PASK: variants seen among roughly 807,000 people sequenced by gnomAD.
PASK encodes the protein PAS domain containing serine/threonine kinase, also known as PAS domain-containing serine/threonine-protein kinase.
In PASK, 110 loss-of-function variants were observed where a neutral mutation model predicts 121.0. The observed-to-expected ratio is 0.91, with a 90% CI of 0.78 to 1.06. The LOEUF is 1.06. Ranked by LOEUF, PASK falls within the 50% of genes least tolerant of loss-of-function variation. The pLI is 0.00. For missense variants in PASK, 1,643 were observed against 1,702.3 expected, an observed-to-expected ratio of 0.97 and a Z score of 0.61; for synonymous variants, 686 against 717.8, an observed-to-expected ratio of 0.96 and a Z score of 0.71.
At chr2:241,149,644 A>G, upstream of PASK, 1 of 1,540,554 alleles carries the variant, frequency 6.5e-7, no homozygotes, top group Non-Finnish European at 8.7e-7. Flanking sequence ...AGCCAAAGGA[A>G]TAATGGGCGC....
intron 5 of PASK, 74 bp downstream of exon 5, chr2:241,138,580 A>T: frequency 6.6e-7 from 1 of 1,526,126 alleles, no homozygotes; most frequent in South Asian, 1.1e-5. Flanking sequence ...TGAGACAGGG[A>T]CCAGCACTTG....
intron 2 of PASK, among the ~76,000 whole-genome samples, chr2:241,141,955 C>T (rs1228278476): frequency 6.6e-6 from 1 of 152,208 alleles, no homozygotes; most frequent in Non-Finnish European, 1.5e-5. Context: ...CACCCCTGCT[C>T]CTCATGCAGC....
In PASK at chr2:241,126,994, G is replaced by A. The variant is rs766820104; in HGVS notation, c.1921C>T (p.Pro641Ser). The A allele has an allele frequency of 1.4e-5, 23 of 1,614,234 alleles. No homozygotes were observed. The highest frequency in any genetic ancestry group is 1.2e-5 in the Non-Finnish European group (14 of 1,180,036). Residue 641 changes from proline (P) to serine (S), a missense_variant, in exon 10 of 18, where the codon CCT (proline) becomes TCT (serine). By Grantham distance (74) the Pro-to-Ser change is moderately conservative. Coordinates refer to ENST00000234040, the MANE Select transcript of PASK (RefSeq NM_015148.4). Reference protein sequence around the residue: ...SGMAGLSFGTPTLDEPWLGVE... With the variant: ...SGMAGLSFGTSTLDEPWLGVE... ...CCCAGCCACGGCTCATCTAGAGTAG[G>A]TGTCCCAAACGAGAGGCCTGCCATC...
At chr2:241,142,363 T>A (rs2074829) in intron 2 of PASK, among the ~76,000 whole-genome samples, 63,209 of 151,846 alleles carry the variant, frequency 0.42, 13,409 homozygotes, top group Middle Eastern at 0.57. Flanking sequence ...CATGGCCCAG[T>A]CCTTTGGGGT....
upstream of PASK, chr2:241,149,483 C>G: frequency 3.1e-6 from 2 of 644,880 alleles, no homozygotes; most frequent in Middle Eastern, 4.2e-4. Flanking sequence ...GCTTTTATCC[C>G]ACCGACCAAT....
At chr2:241,150,076 A>C, upstream of PASK, 1 of 1,283,192 alleles carries the variant, frequency 7.8e-7, no homozygotes, top group Admixed American at 3.9e-5. Context: ...ACTGGCCCGC[A>C]CCTTGCAGCC....
intron 1 of PASK, among the ~76,000 whole-genome samples, chr2:241,144,476 G>A (rs1016792369): frequency 2.6e-5 from 4 of 152,154 alleles, no homozygotes; most frequent in Non-Finnish European, 5.9e-5. Flanking sequence ...CTGGGGCCAA[G>A]GCAAGCCCAA....
intron 12 of PASK, among the ~76,000 whole-genome samples, chr2:241,121,691 C>G (rs1368264964): frequency 6.6e-6 from 1 of 152,074 alleles, no homozygotes; most frequent in Non-Finnish European, 1.5e-5. Context: ...ACTATGTGAA[C>G]ACAAATCAAA....
intron 17 of PASK, 41 bp downstream of exon 17, chr2:241,107,312 A>G (rs746550393): frequency 1.9e-6 from 3 of 1,589,408 alleles, no homozygotes; most frequent in Non-Finnish European, 2.6e-6. Context: ...CGTTATTCCA[A>G]GTGAAGTCAT....
intron 9 of PASK, chr2:241,127,796 G>A (rs2065946946): frequency 2.6e-6 from 1 of 377,984 alleles, no homozygotes; most frequent in African/African-American, 2.1e-5. Flanking sequence ...ACCTGCAAGG[G>A]GAAGTCCGTG....
intron 11 of PASK, among the ~76,000 whole-genome samples, chr2:241,123,369 G>A (rs1432118300): frequency 2.0e-5 from 3 of 151,790 alleles, no homozygotes; most frequent in Non-Finnish European, 2.9e-5. Context: ...TAGTAGAGAT[G>A]GGGTTTCACT....
rs1194678885 is a variant in PASK at position 241,115,180 on chromosome 2, AG to A, written c.3199-4del. On this transcript the variant is annotated splice_region_variant and splice_polypyrimidine_tract_variant and intron_variant, in intron 13 of 17. Transcript: ENST00000234040. Reference sequence around the variant, plus strand: ...TGGTTTTCAAATATATCCAATACCTAGGAAGAGACAAAGCCAAGTCCAACTC... The same window carrying A: ...TGGTTTTCAAATATATCCAATACCTAGAAGAGACAAAGCCAAGTCCAACTC... The A allele has an allele frequency of 6.2e-7, 1 of 1,614,094 alleles. No individual in the cohort carries two copies. The highest frequency in any genetic ancestry group is 1.3e-5 in the African/African-American group (1 of 75,038).
Position 241,135,988 on chromosome 2 carries a change from T to C in PASK, c.1189A>G (p.Asn397Asp). 6.2e-7 allele frequency: 1 copy of C among 1,614,052 alleles called. No homozygotes were observed. Reference protein sequence around the residue: ...GFYSYMDLAYNSSLQLPDLAS... With the variant: ...GFYSYMDLAYDSSLQLPDLAS... ...AGGTCTGGGAGCTGTAATGAGCTGT[T>C]GTACGCAAGGTCCATGTAGCTGTAG... The change falls in exon 8 of 18, where the codon AAC (asparagine) becomes GAC (aspartate). Residue 397 changes from asparagine to aspartate, a missense_variant. Coordinates refer to ENST00000234040, the MANE Select transcript of PASK (RefSeq NM_015148.4).
rs1352116585 is a variant in PASK at position 241,138,033 on chromosome 2, C to A, written c.796G>T (p.Gly266Trp). 1.2e-6 allele frequency: 2 copies of A among 1,614,224 alleles called. No individual in the cohort carries two copies. ...LFAHLHGYVSGEDVAGQHITD... is the reference protein window; with the variant it reads ...LFAHLHGYVSWEDVAGQHITD... The stretch of plus-strand genomic sequence containing the variant: ...ATATGCTGCCCAGCCACGTCCTCCC[C>A]AGACACGTACCCGTGAAGATGAGCA... Residue 266 changes from glycine (G) to tryptophan (W), a missense_variant, in exon 6 of 18, where the codon GGG (glycine) becomes TGG (tryptophan). By Grantham distance (184) the Gly-to-Trp change is radical. Around this residue, in one of 3 missense-constraint regions of PASK, gnomAD observed 1,176 missense variants for 1,162.2 expected, o/e 1.01. Transcript: ENST00000234040.
At position 241,138,678 on chromosome 2, in the gene PASK, C is replaced by A; in HGVS notation, c.717G>T (p.Ser239=). The change falls in exon 5 of 18, where the codon TCG becomes TCT. Residue 239 remains serine, a synonymous_variant. Coordinates refer to ENST00000234040, the MANE Select transcript of PASK (RefSeq NM_015148.4). ...VVVLEPVERV[S]TWVAFQSDGT... ...CATCGCTCTGGAAAGCGACCCAGGT[C>A]GAGACCCTCTCCACGGGCTCCAGGA... is the stretch of plus-strand genomic sequence containing the variant. 6.2e-7 allele frequency: 1 copy of A among 1,614,052 alleles called. No individual in the cohort carries two copies. Among genetic ancestry groups the A allele is most frequent in the South Asian group, 1.1e-5 (1 of 91,086 alleles).
At chr2:241,147,520 T>C (rs1011727667) in intron 1 of PASK, among the ~76,000 whole-genome samples, 3 of 149,854 alleles carry the variant, frequency 2.0e-5, no homozygotes, top group African/African-American at 4.9e-5. Context: ...GCTTGGGAGG[T>C]TGAGGTGGGA....
chr2:241,149,569 G>A (rs1379815706), upstream of PASK: 4 of 1,331,714 alleles, frequency 3.0e-6, no homozygotes, highest in South Asian at 1.3e-5. Context: ...AAGCTAGCCA[G>A]AGTCTAGAAG....
upstream of PASK, chr2:241,150,319 C>T (rs1041846722): frequency 3.8e-6 from 5 of 1,331,394 alleles, no homozygotes; most frequent in Non-Finnish European, 4.8e-6. Context: ...GGGGGAGGCG[C>T]GGCGCGCGGC....
chr2:241,131,088 G>A (rs2066105367), intron 9 of PASK, among the ~76,000 whole-genome samples: 1 of 152,134 alleles, frequency 6.6e-6, no homozygotes, highest in South Asian at 2.1e-4. Context: ...AAGACGGCCA[G>A]GGGAACTATT....
Sources: allele counts gnomAD v4.1 joint callset (sites outside exome capture counted in the v4.1 genomes callset), GRCh38; gene constraint gnomAD v4.1.1; regional missense constraint gnomAD v4.1.1; transcripts MANE v1.5; gene names NCBI Gene and HGNC (gene_info 2026-07-23, HGNC 2026-07-21).